Variants in LRRN4CL observed in about 807,000 individuals in gnomAD.
LRRN4CL encodes the protein LRRN4 C-terminal-like protein.
For missense variants in LRRN4CL, 348 were observed against 336.4 expected (o/e 1.03, Z -0.27); for synonymous variants, 156 against 154.1 (o/e 1.01, Z -0.09).
rs1945248864 is a variant in LRRN4CL at position 62,689,490 on chromosome 11, G to A, written c.-69C>T. On this transcript the variant is annotated 5_prime_UTR_variant, in exon 1 of 2. Coordinates refer to ENST00000317449, the MANE Select transcript of LRRN4CL (RefSeq NM_203422.4). ...GACGTCTGTGGGTGTTAGGCTGAGG[G>A]ATCCCCAAGATCTCAGGCTGTGCTG... 1 of 152,396 alleles carries A rather than the reference G, an allele frequency of 6.6e-6. No homozygotes were observed. Among genetic ancestry groups the A allele is most frequent in the Non-Finnish European group, 1.5e-5 (1 of 68,204 alleles). The allele number at this position is 152,396 out of a possible 1,614,324, so 9.4% of individuals were successfully genotyped here.
At position 62,688,216 on chromosome 11, in the gene LRRN4CL, C is replaced by A; in HGVS notation, c.293G>T (p.Gly98Val). 1 of 1,611,842 alleles carries A rather than the reference C, an allele frequency of 6.2e-7. No homozygotes were observed. Among genetic ancestry groups the A allele is most frequent in the Non-Finnish European group, 8.5e-7 (1 of 1,179,542 alleles). ...MGEVRIAAEEGRAVVHWCAPF... is the reference protein window; with the variant it reads ...MGEVRIAAEEVRAVVHWCAPF... ...GGCACACCAGTGGACCACTGCGCGG[C>A]CCTCTTCGGCCGCAATGCGCACTTC... Residue 98 changes from glycine (G) to valine (V), a missense_variant, in exon 2 of 2, where the codon GGC (glycine) becomes GTC (valine). Transcript: ENST00000317449.
rs1945213035 is a variant in LRRN4CL at position 62,687,735 on chromosome 11, G to A, written c.*57C>T. 7.6e-7 allele frequency: 1 copy of A among 1,312,918 alleles called. No individual in the cohort carries two copies. Among genetic ancestry groups the A allele is most frequent in the Non-Finnish European group, 9.8e-7 (1 of 1,025,052 alleles). The allele number at this position is 1,312,918 out of a possible 1,614,324, so 81.3% of individuals were successfully genotyped here. A position where few individuals can be genotyped will look rare whatever the true frequency, so the allele number is the denominator to read the frequency against. On this transcript the variant is annotated 3_prime_UTR_variant, in exon 2 of 2. Transcript: ENST00000317449. ...CAGCGGGTTTTCCTCTTTCCCGGGG[G>A]CCAGGCTGAGCGCCCCAGGTGGGGC...
In LRRN4CL at chr11:62,688,395, C is replaced by T. The variant is rs751070802; in HGVS notation, c.114G>A (p.Thr38=). 12 of 1,603,750 alleles carry T rather than the reference C, an allele frequency of 7.5e-6. No homozygotes were observed. Among genetic ancestry groups the T allele is most frequent in the Middle Eastern group, 1.6e-4 (1 of 6,084 alleles). Residue 38 remains threonine, a synonymous_variant, in exon 2 of 2, where the codon ACG becomes ACA. Transcript: ENST00000317449. ...GGACAGCCGGCAAAGGCGGCCACGC[C>T]GTCTCAGTCTCATCTGCCTCCTCTT... The part of the protein sequence containing the change: ...FEEEEADETE[T]AWPPLPAVPC...
rs577560344 is a variant in LRRN4CL at position 62,688,254 on chromosome 11, C to T, written c.255G>A (p.Pro85=). 16 of 1,610,074 alleles carry T rather than the reference C, an allele frequency of 9.9e-6. No homozygotes were observed. The highest frequency in any genetic ancestry group is 1.4e-5 in the Non-Finnish European group (16 of 1,178,724). The change falls in exon 2 of 2, where the codon CCG becomes CCA. Residue 85 remains proline, a synonymous_variant. Transcript: ENST00000317449. The stretch of plus-strand genomic sequence containing the variant: ...CAATGCGCACTTCTCCCATGCGCGG[C>T]GGGTCGGGCGGCTGGGCGGGGCTGG... ...GLSSPAQPPD[P]PRMGEVRIAA... is the part of the protein sequence containing the mutation.
chr11:62,687,778 C>A lies in LRRN4CL; in HGVS notation c.*14G>T. ...GGTGGGGCTGTCTGTGCCCGAGATG[C>A]CCCCAGGCCCCTTTCAGAGCGCCCC... is the stretch of plus-strand genomic sequence containing the variant. On this transcript the variant is annotated 3_prime_UTR_variant, in exon 2 of 2. Coordinates refer to ENST00000317449, the MANE Select transcript of LRRN4CL (RefSeq NM_203422.4). 4.4e-6 allele frequency: 6 copies of A among 1,369,614 alleles called. No homozygotes were observed. Among genetic ancestry groups the A allele is most frequent in the Non-Finnish European group, 5.6e-6 (6 of 1,069,394 alleles). 84.8% of individuals were successfully genotyped at this position (1,369,614 alleles called of 1,614,324 possible). A position where few individuals can be genotyped will look rare whatever the true frequency, so the allele number is the denominator to read the frequency against.
At position 62,687,786 on chromosome 11, in the gene LRRN4CL, C is replaced by A. The variant is rs1945214050; in HGVS notation, c.*6G>T. ...TGTCTGTGCCCGAGATGCCCCCAGG[C>A]CCCTTTCAGAGCGCCCCTGCGGCTC... On this transcript the variant is annotated 3_prime_UTR_variant, in exon 2 of 2. Transcript: ENST00000317449. The A allele has an allele frequency of 1.4e-6, 2 of 1,391,194 alleles. No individual in the cohort carries two copies. The highest frequency in any genetic ancestry group is 1.8e-6 in the Non-Finnish European group (2 of 1,083,192). 86.2% of individuals were successfully genotyped at this position (1,391,194 alleles called of 1,614,324 possible). A position where few individuals can be genotyped will look rare whatever the true frequency, so the allele number is the denominator to read the frequency against.
At chr11:62,688,540 A>T in intron 1 of LRRN4CL, 27 bp from the exon 2 acceptor site, 2 of 1,527,918 alleles carry the variant, frequency 1.3e-6, no homozygotes, top group South Asian at 2.4e-5. Flanking sequence ...GGATAGATAA[A>T]GCCTGTTCAG....
In LRRN4CL at chr11:62,686,872, T is replaced by G. The variant is rs1414490426; in HGVS notation, c.*920A>C. 2 of 151,868 alleles carry G rather than the reference T, an allele frequency of 1.3e-5. No individual in the cohort carries two copies. The highest frequency in any genetic ancestry group is 2.9e-5 in the Non-Finnish European group (2 of 68,028). 9.4% of individuals were successfully genotyped at this position (151,868 alleles called of 1,614,324 possible). On this transcript the variant is annotated 3_prime_UTR_variant, in exon 2 of 2. Transcript: ENST00000317449. ...TTTTAGTAGAGACGGGGTTTCACCG[T>G]GTTAGCCAGGATGGTCTCGATCTCC...
At position 62,688,425 on chromosome 11, in the gene LRRN4CL, A is replaced by T; in HGVS notation, c.84T>A (p.Phe28Leu). The change falls in exon 2 of 2, where the codon TTT becomes TTA. Residue 28 changes from phenylalanine (F) to leucine (L), a missense_variant. Coordinates refer to ENST00000317449, the MANE Select transcript of LRRN4CL (RefSeq NM_203422.4). ...CAGTCTCATCTGCCTCCTCTTCTTC[A>T]AAGTCTTGAGGGGCCAAGGGCTGAG... The part of the protein sequence containing the change: ...PRAQPLAPQD[F>L]EEEEADETET... 1 of 1,600,848 alleles carries T rather than the reference A, an allele frequency of 6.2e-7. No homozygotes were observed. Among genetic ancestry groups the T allele is most frequent in the African/African-American group, 1.3e-5 (1 of 75,058 alleles).
intron 1 of LRRN4CL, 25 bp from the exon 2 acceptor site, chr11:62,688,538 A>T: frequency 6.4e-7 from 1 of 1,550,654 alleles, no homozygotes; most frequent in Non-Finnish European, 8.7e-7. Flanking sequence ...GTGGATAGAT[A>T]AAGCCTGTTC....
rs776423939 is a variant in LRRN4CL at position 62,687,937 on chromosome 11, T to C, written c.572A>G (p.Asn191Ser). 3.8e-6 allele frequency: 6 copies of C among 1,560,398 alleles called. No homozygotes were observed. The highest frequency in any genetic ancestry group is 1.4e-5 in the African/African-American group (1 of 73,734). Reference protein sequence around the residue: ...GPCSRLAVPPNPRTLVHAAVG... With the variant: ...GPCSRLAVPPSPRTLVHAAVG... ...GGCCGCGTGGACCAGAGTGCGGGGG[T>C]TGGGCGGCACCGCAAGGCGGCTGCA... Residue 191 changes from asparagine (N) to serine (S), a missense_variant, in exon 2 of 2, where the codon AAC (asparagine) becomes AGC (serine). Physicochemically the swap from Asn to Ser is conservative, Grantham distance 46. Transcript: ENST00000317449.
At chr11:62,688,983 TG>T (rs1945239477) in intron 1 of LRRN4CL, among the ~76,000 whole-genome samples, 1 of 152,090 alleles carries the variant, frequency 6.6e-6, no homozygotes, top group Non-Finnish European at 1.5e-5. Flanking sequence ...CCAAACCAGC[TG>T]GGGCAACACA....
rs1277991008 is a variant in LRRN4CL at position 62,687,554 on chromosome 11, T to C, written c.*238A>G. Reference sequence around the variant, plus strand: ...TATTATCTGGCCGCTTAAAAAAAAATTGGGGGCCCCTTTCTATTCCTTCCC... The same window carrying C: ...TATTATCTGGCCGCTTAAAAAAAAACTGGGGGCCCCTTTCTATTCCTTCCC... On this transcript the variant is annotated 3_prime_UTR_variant, in exon 2 of 2. Transcript: ENST00000317449. 5.0e-6 allele frequency: 2 copies of C among 397,052 alleles called. No homozygotes were observed. Among genetic ancestry groups the C allele is most frequent in the Non-Finnish European group, 8.8e-6 (2 of 226,802 alleles). 24.6% of individuals were successfully genotyped at this position (397,052 alleles called of 1,614,324 possible). A position where few individuals can be genotyped will look rare whatever the true frequency, so the allele number is the denominator to read the frequency against.
At position 62,688,563 on chromosome 11, in the gene LRRN4CL, C is replaced by A. The variant is rs140661745; in HGVS notation, c.-5-50G>T. The stretch of plus-strand genomic sequence containing the variant: ...AAAGCCTGTTCAGCCCAAAAGCCTG[C>A]CATGCCCTCTGCCTGGACACAATCT... On this transcript the variant is annotated intron_variant, in intron 1 of 1. Transcript: ENST00000317449. 1,476 of 1,386,954 alleles carry A rather than the reference C, an allele frequency of 1.1e-3. 11 individuals are homozygous for A. Among genetic ancestry groups the A allele is most frequent in the South Asian group, 9.0e-3 (655 of 72,798 alleles). The allele number at this position is 1,386,954 out of a possible 1,614,324, so 85.9% of individuals were successfully genotyped here. A position where few individuals can be genotyped will look rare whatever the true frequency, so the allele number is the denominator to read the frequency against.
rs746504866 is a variant in LRRN4CL, at chr11:62,688,306, G to A, written c.203C>T (p.Pro68Leu). 9.3e-6 allele frequency: 15 copies of A among 1,608,650 alleles called. No homozygotes were observed. Among genetic ancestry groups the A allele is most frequent in the African/African-American group, 2.7e-5 (2 of 74,932 alleles). Residue 68 changes from proline (P) to leucine (L), a missense_variant, in exon 2 of 2, where the codon CCG (proline) becomes CTG (leucine). By Grantham distance (98) the Pro-to-Leu change is moderately conservative. Coordinates refer to ENST00000317449, the MANE Select transcript of LRRN4CL (RefSeq NM_203422.4). ...VPCKELQRVGPAACLCPGLSS... is the reference protein window; with the variant it reads ...VPCKELQRVGLAACLCPGLSS... The stretch of plus-strand genomic sequence containing the variant: ...GAGTCCTGGGCACAGGCAGGCCGCC[G>A]GCCCGACCCTCTGTAGCTCCTTGCA...
At position 62,688,577 on chromosome 11, in the gene LRRN4CL, T is replaced by A. The variant is rs1945232372; in HGVS notation, c.-5-64A>T. ...CCAAAAGCCTGCCATGCCCTCTGCC[T>A]GGACACAATCTCTGGAGACAGGAAA... On this transcript the variant is annotated intron_variant, in intron 1 of 1. Coordinates refer to ENST00000317449, the MANE Select transcript of LRRN4CL (RefSeq NM_203422.4). 7.1e-6 allele frequency: 9 copies of A among 1,268,924 alleles called. No individual in the cohort carries two copies. In the South Asian group the frequency reaches 1.3e-4, roughly 19 times the overall value. 78.6% of individuals were successfully genotyped at this position (1,268,924 alleles called of 1,614,324 possible).
rs1945218526 is a variant in LRRN4CL at position 62,688,030 on chromosome 11, C to CT, written c.478_479insA (p.Gly160GlufsTer155). ...TCCAGCCTGGGGCACGCGGCTTGCC[C>CT]CGGCCTCGTTAGCGGCCACTACGCA... On this transcript the variant is annotated frameshift_variant, in exon 2 of 2. Coordinates refer to ENST00000317449, the MANE Select transcript of LRRN4CL (RefSeq NM_203422.4). LOFTEE classifies it low-confidence loss of function (END_TRUNC). 4 of 1,612,508 alleles carry CT rather than the reference C, an allele frequency of 2.5e-6. No individual in the cohort carries two copies. The highest frequency in any genetic ancestry group is 3.4e-6 in the Non-Finnish European group (4 of 1,179,846).
In LRRN4CL at chr11:62,687,125, A is replaced by G. The variant is rs1451325218; in HGVS notation, c.*667T>C. ...GAAACCCCGTCTCTACTAAAAAAAC[A>G]CAAAAATTAGCCGGGCATGGTGGTG... On this transcript the variant is annotated 3_prime_UTR_variant, in exon 2 of 2. Coordinates refer to ENST00000317449, the MANE Select transcript of LRRN4CL (RefSeq NM_203422.4). The G allele has an allele frequency of 2.6e-5, 4 of 152,132 alleles. No individual in the cohort carries two copies. The highest frequency in any genetic ancestry group is 5.9e-5 in the Non-Finnish European group (4 of 68,024). 9.4% of individuals were successfully genotyped at this position (152,132 alleles called of 1,614,324 possible).
In LRRN4CL at chr11:62,687,758, G is replaced by T. The variant is rs1470440760; in HGVS notation, c.*34C>A. ...GGGCCAGGCTGAGCGCCCCAGGTGG[G>T]GCTGTCTGTGCCCGAGATGCCCCCA... is the stretch of plus-strand genomic sequence containing the variant. On this transcript the variant is annotated 3_prime_UTR_variant, in exon 2 of 2. Transcript: ENST00000317449. The T allele has an allele frequency of 2.2e-6, 3 of 1,357,610 alleles. No homozygotes were observed. The highest frequency in any genetic ancestry group is 2.8e-6 in the Non-Finnish European group (3 of 1,060,406). The allele number at this position is 1,357,610 out of a possible 1,614,324, so 84.1% of individuals were successfully genotyped here.
Sources: gnomAD v4.1 joint callset for allele counts (sites outside exome capture counted in the v4.1 genomes callset) on GRCh38, gnomAD v4.1.1 for gene constraint, MANE v1.5 for transcripts, NCBI Gene and HGNC (gene_info 2026-07-23, HGNC 2026-07-21) for gene names.